The following DCUN1D5 variants were observed in gnomAD, a reference collection of about 807,000 sequenced individuals.
DCUN1D5 encodes the protein DCN1-like protein 5.
Under a neutral mutation model 38.3 loss-of-function variants are expected in DCUN1D5, and 10 were observed. The observed-to-expected ratio is 0.26, with a 90% confidence interval of 0.16 to 0.44. The LOEUF (loss-of-function observed/expected upper bound fraction) is 0.44, where lower values mean the gene tolerates loss of function less well. DCUN1D5 is among the 20% of genes least tolerant of loss of function. The probability of loss-of-function intolerance (pLI) is 1.00; values close to 1 mark genes in which losing one functional copy is unlikely to be tolerated. For missense variants in DCUN1D5, 148 were observed against 275.3 expected, an observed-to-expected ratio of 0.54 and a Z score of 3.27; for synonymous variants, 93 against 90.9, an observed-to-expected ratio of 1.02 and a Z score of -0.13.
chr11:103,054,313 T>G lies in DCUN1D5; in HGVS notation c.*8046A>C, dbSNP rs931093000. 1.4e-4 allele frequency: 22 copies of G among 152,142 alleles called. No homozygotes were observed. Among genetic ancestry groups the G allele is most frequent in the Non-Finnish European group, 2.2e-4 (15 of 67,990 alleles). 9.4% of individuals were successfully genotyped at this position (152,142 alleles called of 1,614,324 possible). A position where few individuals can be genotyped will look rare whatever the true frequency, so the allele number is the denominator to read the frequency against. On this transcript the variant is annotated 3_prime_UTR_variant, in exon 8 of 8. Coordinates refer to ENST00000260247, the MANE Select transcript of DCUN1D5 (RefSeq NM_032299.4). ...TTGTCTCCATAATCTTTAGACGTGT[T>G]AATAGGAAAAGCATCTCTCTAAGGG...
Position 103,086,673 on chromosome 11 carries a change from C to T in DCUN1D5, c.178+2554G>A, listed in dbSNP as rs143333562. Among the ~76,000 whole-genome samples, 956 of 152,282 alleles carry T rather than the reference C, an allele frequency of 6.3e-3. 11 individuals carry two copies. The highest frequency in any genetic ancestry group is 0.022 in the South Asian group (106 of 4,830). ...CACCAGAAGGCAAGTCCCCCAAAGG[C>T]AGGGATCTTGTCTGACTTGCTCAGC... On this transcript the variant is annotated intron_variant, in intron 2 of 7. Coordinates refer to ENST00000260247, the MANE Select transcript of DCUN1D5 (RefSeq NM_032299.4). This position sits in a 1 kb window ranked among gnomAD's most constrained non-coding sequence, Gnocchi z 4.1.
rs987380418 is a variant in DCUN1D5 at position 103,051,515 on chromosome 11, G to A, written c.*10844C>T. 6.4e-5 allele frequency: 4 copies of A among 62,744 alleles called. No individual in the cohort carries two copies. Among genetic ancestry groups the A allele is most frequent in the Non-Finnish European group, 9.5e-5 (3 of 31,636 alleles). 3.9% of individuals were successfully genotyped at this position (62,744 alleles called of 1,614,324 possible). On this transcript the variant is annotated 3_prime_UTR_variant, in exon 8 of 8. Transcript: ENST00000260247. ...ACATATTTACTTCCCCCCCCCCCCC[G>A]CCACCCCTGTGTTAACAGGTTTACT...
chr11:103,082,396 C>A (rs749851225), intron 4 of DCUN1D5, among the ~76,000 whole-genome samples: 1 of 152,020 alleles, frequency 6.6e-6, no homozygotes, highest in Non-Finnish European at 1.5e-5. Flanking sequence ...GGCTGCCCAA[C>A]GAACATACTC....
chr11:103,074,549 G>A (rs1862361904), intron 4 of DCUN1D5, among the ~76,000 whole-genome samples: 1 of 152,140 alleles, frequency 6.6e-6, no homozygotes, highest in African/African-American at 2.4e-5. Flanking sequence ...GGGACTATGG[G>A]CGTGCACCAC....
rs1268512930 is a variant in DCUN1D5 at position 103,063,942 on chromosome 11, T to A, written c.658+333A>T. Among the ~76,000 whole-genome samples the A allele has an allele frequency of 2.6e-5, 4 of 152,316 alleles. No homozygotes were observed. The highest frequency in any genetic ancestry group is 2.1e-4 in the South Asian group (1 of 4,830). On this transcript the variant is annotated intron_variant, in intron 7 of 7. Transcript: ENST00000260247. The surrounding 1 kb of genome is among the most constrained non-coding windows in gnomAD (Gnocchi z 4.6). ...GCTGATTGTTTTGCTGTTATATTTT[T>A]AAAATCATGACTGTACTTTTCTTCC...
chr11:103,068,364 A>G (rs1219024473), intron 4 of DCUN1D5, among the ~76,000 whole-genome samples: 1 of 152,180 alleles, frequency 6.6e-6, no homozygotes, highest in Non-Finnish European at 1.5e-5. Context: ...TCCTACCATA[A>G]AGATATGCAG....
chr11:103,081,024 T>G (rs1862550582), intron 4 of DCUN1D5, among the ~76,000 whole-genome samples: 1 of 151,376 alleles, frequency 6.6e-6, no homozygotes, highest in South Asian at 2.1e-4. Flanking sequence ...AAAAAAAACA[T>G]GCTCATGGGC....
In DCUN1D5 at chr11:103,062,139, A is replaced by C; in HGVS notation, c.*220T>G. On this transcript the variant is annotated 3_prime_UTR_variant, in exon 8 of 8. Coordinates refer to ENST00000260247, the MANE Select transcript of DCUN1D5 (RefSeq NM_032299.4). The surrounding 1 kb of genome is among the most constrained non-coding windows in gnomAD (Gnocchi z 4.6). ...TTCTGAAATAAATGTTATAAACATA[A>C]CTCAAAACAAAAACTTCAATATTCA... The C allele has an allele frequency of 2.1e-6, 1 of 483,142 alleles. No individual in the cohort carries two copies. The highest frequency in any genetic ancestry group is 3.8e-5 in the South Asian group (1 of 26,604). 29.9% of individuals were successfully genotyped at this position (483,142 alleles called of 1,614,324 possible).
At chr11:103,076,905 T>TA (rs1242759822) in intron 4 of DCUN1D5, among the ~76,000 whole-genome samples, 1 of 151,944 alleles carries the variant, frequency 6.6e-6, no homozygotes, top group Non-Finnish European at 1.5e-5. Context: ...TTTTTTGTAG[T>TA]AAAAAAAGAA....
rs1453586679 is a variant in DCUN1D5, at chr11:103,064,530, T to C, written c.556-153A>G. ...ATTTGTGTTTCTAAGAGATTCCTCA[T>C]GGGCATTTACATATTAACATAATCT... On this transcript the variant is annotated intron_variant, in intron 6 of 7. Transcript: ENST00000260247. The surrounding 1 kb of genome is among the most constrained non-coding windows in gnomAD (Gnocchi z 4.5). Among the ~76,000 whole-genome samples the C allele has an allele frequency of 6.6e-6, 1 of 152,200 alleles. No individual in the cohort carries two copies. Among genetic ancestry groups the C allele is most frequent in the East Asian group, 1.9e-4 (1 of 5,200 alleles).
At chr11:103,088,701 A>G (rs1384168782) in intron 2 of DCUN1D5, among the ~76,000 whole-genome samples, 1 of 152,210 alleles carries the variant, frequency 6.6e-6, no homozygotes, top group Non-Finnish European at 1.5e-5. Context: ...TTTTCTTACT[A>G]TTGCATCTCT....
intron 4 of DCUN1D5, among the ~76,000 whole-genome samples, chr11:103,072,337 A>ACTAGATCTAGATCTAGAT (rs59688664): frequency 1.4e-5 from 2 of 145,662 alleles, no homozygotes; most frequent in East Asian, 2.0e-4. Flanking sequence ...AGGATCTAGA[A>ACTAGATCTAGATCTAGAT]CTAGATCTAG....
chr11:103,061,152 T>C lies in DCUN1D5; in HGVS notation c.*1207A>G, dbSNP rs1862000844. Among the ~76,000 whole-genome samples, 1 of 152,122 alleles carries C rather than the reference T, an allele frequency of 6.6e-6. No individual in the cohort carries two copies. Among genetic ancestry groups the C allele is most frequent in the East Asian group, 1.9e-4 (1 of 5,196 alleles). On this transcript the variant is annotated 3_prime_UTR_variant, in exon 8 of 8. Transcript: ENST00000260247. ...TGGAGAAATCATTCTTTAAACAAAT[T>C]CACCACTGAAAAATCAACCTTTACC...
chr11:103,064,279 A>C lies in DCUN1D5; in HGVS notation c.654T>G (p.Gly218=). The change falls in exon 7 of 8, where the codon GGT becomes GGG. Residue 218 remains glycine (G), a synonymous_variant. Transcript: ENST00000260247. The surrounding 1 kb of genome is among the most constrained non-coding windows in gnomAD (Gnocchi z 4.5). The stretch of plus-strand genomic sequence containing the variant: ...AACATGTTATGTTATACTTACAAGC[A>C]CCATCTTCATCATAGTTACTAAGAT... The part of the protein sequence containing the change: ...HADLSNYDED[G]AWPVLLDEFV... 1 of 1,607,294 alleles carries C rather than the reference A, an allele frequency of 6.2e-7. No individual in the cohort carries two copies. The highest frequency in any genetic ancestry group is 8.5e-7 in the Non-Finnish European group (1 of 1,177,724).
intron 4 of DCUN1D5, among the ~76,000 whole-genome samples, chr11:103,076,718 A>C (rs1268851990): frequency 6.6e-6 from 1 of 152,216 alleles, no homozygotes; most frequent in Admixed American, 6.5e-5. Flanking sequence ...ATTTCATAGG[A>C]CAACCATAAA....
chr11:103,060,340 C>CAA lies in DCUN1D5; in HGVS notation c.*2017_*2018dup, dbSNP rs1287363694. 6.6e-6 allele frequency among the ~76,000 whole-genome samples: 1 copy of CAA among 152,114 alleles called. No individual in the cohort carries two copies. The highest frequency in any genetic ancestry group is 2.4e-5 in the African/African-American group (1 of 41,416). On this transcript the variant is annotated 3_prime_UTR_variant, in exon 8 of 8. Transcript: ENST00000260247. ...TTAAAGGTATCTTTGGATAAGTATG[C>CAA]AAAGTAAATACTGTTGACCCTTGAA...
In DCUN1D5 at chr11:103,065,128, T is replaced by C. The variant is rs1055001858; in HGVS notation, c.556-751A>G. 2.6e-5 allele frequency among the ~76,000 whole-genome samples: 4 copies of C among 151,984 alleles called. No individual in the cohort carries two copies. Among genetic ancestry groups the C allele is most frequent in the Non-Finnish European group, 5.9e-5 (4 of 67,970 alleles). ...TTGAATCATGCGTAAAACTCATTCA[T>C]GTAAGACCTTTTCATATCATTGTCT... On this transcript the variant is annotated intron_variant, in intron 6 of 7. Transcript: ENST00000260247. The surrounding 1 kb of genome is among the most constrained non-coding windows in gnomAD (Gnocchi z 4.6).
Position 103,064,540 on chromosome 11 carries a change from CA to C in DCUN1D5, c.556-164del, listed in dbSNP as rs1862087783. Among the ~76,000 whole-genome samples the C allele has an allele frequency of 1.3e-5, 2 of 152,092 alleles. No homozygotes were observed. Among genetic ancestry groups the C allele is most frequent in the South Asian group, 4.1e-4 (2 of 4,822 alleles). On this transcript the variant is annotated intron_variant, in intron 6 of 7. Coordinates refer to ENST00000260247, the MANE Select transcript of DCUN1D5 (RefSeq NM_032299.4). The surrounding 1 kb of genome is among the most constrained non-coding windows in gnomAD (Gnocchi z 4.5). Reference sequence around the variant, plus strand: ...CTAAGAGATTCCTCATGGGCATTTACATATTAACATAATCTATTTTTTACTT... The same window carrying C: ...CTAAGAGATTCCTCATGGGCATTTACTATTAACATAATCTATTTTTTACTT...
rs1565280939 is a variant in DCUN1D5 at position 103,057,653 on chromosome 11, G to A, written c.*4706C>T. 6.6e-6 allele frequency among the ~76,000 whole-genome samples: 1 copy of A among 151,774 alleles called. No individual in the cohort carries two copies. Among genetic ancestry groups the A allele is most frequent in the Non-Finnish European group, 1.5e-5 (1 of 67,934 alleles). On this transcript the variant is annotated 3_prime_UTR_variant, in exon 8 of 8. Coordinates refer to ENST00000260247, the MANE Select transcript of DCUN1D5 (RefSeq NM_032299.4). This position sits in a 1 kb window ranked among gnomAD's most constrained non-coding sequence, Gnocchi z 4.8. ...GAGAATCTCTTGAACCCAGGAGGTC[G>A]AGGCTGCAGTGAGCTGAGACCGCAC...
Sources: allele counts gnomAD v4.1 joint callset (sites outside exome capture counted in the v4.1 genomes callset), GRCh38; gene constraint gnomAD v4.1.1; non-coding constraint Gnocchi (gnomAD v3.1); transcripts MANE v1.5; gene names NCBI Gene and HGNC (gene_info 2026-07-23, HGNC 2026-07-21).